The following ZNF596 variants were observed in gnomAD, a reference collection of about 807,000 sequenced individuals.
ZNF596 encodes the protein zinc finger protein 596.
In ZNF596, 45 loss-of-function variants were observed where a neutral mutation model predicts 48.3. The observed-to-expected ratio is 0.93, with a 90% CI of 0.73 to 1.19. ZNF596 has a LOEUF of 1.19. ZNF596 is among the 50% of genes most tolerant of loss of function. The probability of loss-of-function intolerance (pLI) is 0.00; values close to 1 mark genes in which losing one functional copy is unlikely to be tolerated. For synonymous variants in ZNF596, 270 were observed against 202.0 expected, an observed-to-expected ratio of 1.34 and a Z score of -2.85; for missense variants, 848 against 599.7, an observed-to-expected ratio of 1.41 and a Z score of -4.32.
intron 4 of ZNF596, 42 bp from the exon 5 acceptor site, chr8:244,577 C>T (rs769582696): frequency 1.7e-5 from 24 of 1,410,816 alleles, no homozygotes; most frequent in East Asian, 2.3e-5. Context: ...TTTTTATTCC[C>T]CTAATGCCTA....
intron 4 of ZNF596, 38 bp downstream of exon 4, chr8:243,843 G>C: frequency 1.3e-6 from 2 of 1,567,580 alleles, no homozygotes; most frequent in Non-Finnish European, 1.8e-6. Context: ...AGGAGGAGGA[G>C]AAACATGGCC....
At chr8:233,213 T>A in intron 1 of ZNF596, 2 of 432,768 alleles carry the variant, frequency 4.6e-6, no homozygotes, top group South Asian at 1.7e-5. Flanking sequence ...TAAATGGAAA[T>A]AGACAAAATG....
At chr8:243,144 A>G (rs1796922346) in intron 3 of ZNF596, 131 bp downstream of exon 3, 1 of 744,354 alleles carries the variant, frequency 1.3e-6, no homozygotes, top group South Asian at 3.0e-5. Flanking sequence ...TTCTGCTTTG[A>G]TCCTTTCATA....
In ZNF596 at chr8:245,323, A is replaced by G. The variant is rs753904753; in HGVS notation, c.476A>G (p.Glu159Gly). 7 of 1,614,042 alleles carry G rather than the reference A, an allele frequency of 4.3e-6. No homozygotes were observed. The highest frequency in any genetic ancestry group is 5.9e-6 in the Non-Finnish European group (7 of 1,180,014). Residue 159 changes from glutamate (E) to glycine (G), a missense_variant, in exon 6 of 6, where the codon GAA (glutamate) becomes GGA (glycine). Glu to Gly is a moderately conservative substitution (Grantham distance 98). Transcript: ENST00000398612. Reference sequence around the variant, plus strand: ...TGGTTATCCTTTAATCAACACAAGGAAATTCACACCAAATGTAAATCATAT... The same window carrying G: ...TGGTTATCCTTTAATCAACACAAGGGAATTCACACCAAATGTAAATCATAT... ...SDWLSFNQHKEIHTKCKSYGS... is the reference protein window; with the variant it reads ...SDWLSFNQHKGIHTKCKSYGS...
rs565045273 is a variant in ZNF596 at position 243,984 on chromosome 8, T to C, written c.223+179T>C. On this transcript the variant is annotated intron_variant, in intron 4 of 5. Coordinates refer to ENST00000398612, the MANE Select transcript of ZNF596 (RefSeq NM_001042416.3). ...CTCACTGCAACCTCTGCTTCCCAGATTCAAGTGATTCTCTTGCCTCAGCCT... is the reference window on the plus strand; with the variant it reads ...CTCACTGCAACCTCTGCTTCCCAGACTCAAGTGATTCTCTTGCCTCAGCCT... 2.1e-4 allele frequency: 92 copies of C among 448,280 alleles called. 1 individual carries two copies. The highest frequency in any genetic ancestry group is 2.0e-3 in the South Asian group (88 of 43,262). The allele number at this position is 448,280 out of a possible 1,614,324, so 27.8% of individuals were successfully genotyped here.
chr8:242,783 T>C, intron 2 of ZNF596, 104 bp from the exon 3 acceptor site: 3 of 1,146,544 alleles, frequency 2.6e-6, no homozygotes, highest in African/African-American at 1.6e-5. Context: ...TTGAGTTTTC[T>C]GTTCATACCA....
intron 1 of ZNF596, among the ~76,000 whole-genome samples, chr8:235,375 G>A (rs1163195531): frequency 6.6e-6 from 1 of 152,108 alleles, no homozygotes; most frequent in Non-Finnish European, 1.5e-5. Flanking sequence ...ATTTTATAAT[G>A]TAATATATTC....
intron 5 of ZNF596, 83 bp downstream of exon 5, chr8:244,784 AC>A: frequency 8.9e-7 from 1 of 1,121,426 alleles, no homozygotes; most frequent in South Asian, 1.4e-5. Flanking sequence ...CAGGTACCTG[AC>A]TGTACTTAAA....
intron 4 of ZNF596, 181 bp from the exon 5 acceptor site, chr8:244,438 T>A (rs1796977883): frequency 1.7e-6 from 1 of 581,310 alleles, no homozygotes; most frequent in South Asian, 2.3e-5. Flanking sequence ...TTTATTTTTT[T>A]ATATGCTGAA....
rs141776606 is a variant in ZNF596 at position 245,440 on chromosome 8, G to C, written c.593G>C (p.Arg198Pro). 6.2e-7 allele frequency: 1 copy of C among 1,614,118 alleles called. No individual in the cohort carries two copies. Among genetic ancestry groups the C allele is most frequent in the East Asian group, 2.2e-5 (1 of 44,870 alleles). ...THTREITLEC[R>P]VCGKTFSKNS... is the part of the protein sequence containing the mutation. ...ACTAGAGAGATAACATTGGAATGTC[G>C]TGTGTGTGGGAAAACCTTTAGCAAA... Residue 198 changes from arginine (R) to proline (P), a missense_variant, in exon 6 of 6, where the codon CGT becomes CCT. By Grantham distance (103) the Arg-to-Pro change is moderately radical (BLOSUM62 -2). Coordinates refer to ENST00000398612, the MANE Select transcript of ZNF596 (RefSeq NM_001042416.3).
rs1303016557 is a variant in ZNF596, at chr8:246,641, CA to C, written c.*280del. ...TCTGTTAAATAAATGGGAGAAATCA[CA>C]TCACGAAAATTCTGTGCCTGTCGTC... On this transcript the variant is annotated 3_prime_UTR_variant, in exon 6 of 6. Transcript: ENST00000398612. 6 of 302,474 alleles carry C rather than the reference CA, an allele frequency of 2.0e-5. No homozygotes were observed. Among genetic ancestry groups the C allele is most frequent in the Non-Finnish European group, 3.6e-5 (6 of 165,270 alleles). 18.7% of individuals were successfully genotyped at this position (302,474 alleles called of 1,614,324 possible). A position where few individuals can be genotyped will look rare whatever the true frequency, so the allele number is the denominator to read the frequency against.
rs146195146 is a variant in ZNF596 at position 245,108 on chromosome 8, G to T, written c.307-46G>T. On this transcript the variant is annotated intron_variant, in intron 5 of 5. Transcript: ENST00000398612. ...GAGAAATGAATGAAGTAATGAATGA[G>T]TGTGGATAAACCTTTAATAGTCTTT... 1.8e-5 allele frequency: 28 copies of T among 1,520,778 alleles called. No individual in the cohort carries two copies. The Admixed American group carries it at 5.7e-4, about 31-fold the overall frequency. 94.2% of individuals were successfully genotyped at this position (1,520,778 alleles called of 1,614,324 possible).
chr8:240,584 G>C (rs1435159941), intron 1 of ZNF596: 1 of 365,254 alleles, frequency 2.7e-6, no homozygotes, highest in African/African-American at 2.1e-5. Flanking sequence ...CCATGCGCTA[G>C]GTGGCATATG....
chr8:243,947 G>T, intron 4 of ZNF596, 142 bp downstream of exon 4: 1 of 605,204 alleles, frequency 1.7e-6, no homozygotes, highest in Admixed American at 2.8e-5. Flanking sequence ...GAGTGCAGTG[G>T]CGTGATCTCG....
At chr8:243,202 G>A (rs1483499111) in intron 3 of ZNF596, 189 bp downstream of exon 3, 2 of 438,992 alleles carry the variant, frequency 4.6e-6, no homozygotes, top group African/African-American at 4.1e-5. Context: ...CACTTATATT[G>A]ATTTGTCCTC....
At position 245,313 on chromosome 8, in the gene ZNF596, C is replaced by A. The variant is rs907996972; in HGVS notation, c.466C>A (p.Gln156Lys). ...CTTCAGTGACTGGTTATCCTTTAATCAACACAAGGAAATTCACACCAAATG... is the reference window on the plus strand; with the variant it reads ...CTTCAGTGACTGGTTATCCTTTAATAAACACAAGGAAATTCACACCAAATG... The part of the protein sequence containing the change: ...KIFSDWLSFN[Q>K]HKEIHTKCKS... The change falls in exon 6 of 6, where the codon CAA (glutamine) becomes AAA (lysine). Residue 156 changes from glutamine (Q) to lysine (K), a missense_variant. Transcript: ENST00000398612. 2 of 1,613,882 alleles carry A rather than the reference C, an allele frequency of 1.2e-6. No individual in the cohort carries two copies. The highest frequency in any genetic ancestry group is 1.7e-5 in the Admixed American group (1 of 59,948).
rs774258415 is a variant in ZNF596, at chr8:246,237, C to G, written c.1390C>G (p.Leu464Val). 1.9e-6 allele frequency: 3 copies of G among 1,612,526 alleles called. No individual in the cohort carries two copies. The highest frequency in any genetic ancestry group is 2.2e-5 in the South Asian group (2 of 90,884). Residue 464 changes from leucine to valine, a missense_variant, in exon 6 of 6, where the codon CTT becomes GTT. Coordinates refer to ENST00000398612, the MANE Select transcript of ZNF596 (RefSeq NM_001042416.3). ...KAFNRSYNFR[L>V]HRRVHTGEKP... ...CTTCAATAGAAGTTACAACTTTAGA[C>G]TTCATAGAAGAGTTCACACTGGAGA... is the stretch of plus-strand genomic sequence containing the variant.
intron 4 of ZNF596, chr8:244,395 T>C (rs1327506438): frequency 1.8e-6 from 1 of 543,542 alleles, no homozygotes; most frequent in Admixed American, 3.6e-5. Context: ...GGTCCTCTTC[T>C]TTGAAAATTT....
chr8:235,909 C>G (rs1481412370), intron 1 of ZNF596, among the ~76,000 whole-genome samples: 1 of 151,940 alleles, frequency 6.6e-6, no homozygotes, highest in Non-Finnish European at 1.5e-5. Context: ...TTTCTTTTCA[C>G]AACTATTTTG....
Sources: gnomAD v4.1 joint callset for allele counts (sites outside exome capture counted in the v4.1 genomes callset) on GRCh38, gnomAD v4.1.1 for gene constraint, MANE v1.5 for transcripts, NCBI Gene and HGNC (gene_info 2026-07-23, HGNC 2026-07-21) for gene names.